KALRN: variants seen among roughly 807,000 people sequenced by gnomAD.
KALRN encodes the protein kalirin.
KALRN carries 70 observed loss-of-function variants against 353.7 expected under a neutral mutation model. That is an observed-to-expected ratio of 0.20 (90% CI 0.16 to 0.24). The LOEUF is 0.24. Ranked by LOEUF, KALRN falls within the 10% of genes least tolerant of loss-of-function variation. The pLI is 1.00. For missense variants in KALRN, 2,791 were observed against 3,756.7 expected, an observed-to-expected ratio of 0.74 and a Z score of 6.72; for synonymous variants, 1,391 against 1,434.8, an observed-to-expected ratio of 0.97 and a Z score of 0.69.
At chr3:124,250,341 G>T (rs1004633494) in intron 3 of KALRN, among the ~76,000 whole-genome samples, 2 of 152,346 alleles carry the variant, frequency 1.3e-5, no homozygotes, top group Non-Finnish European at 1.5e-5. Context: ...GCAGGGAGAG[G>T]TGGGGGTGTG....
intron 34 of KALRN, among the ~76,000 whole-genome samples, chr3:124,629,993 C>T (rs2080578819): frequency 6.6e-6 from 1 of 152,166 alleles, no homozygotes; most frequent in Non-Finnish European, 1.5e-5. Context: ...CATGCTGATG[C>T]TCCTGTGCAA....
At chr3:124,585,675 G>A (rs948236182) in intron 34 of KALRN, among the ~76,000 whole-genome samples, 35 of 152,194 alleles carry the variant, frequency 2.3e-4, no homozygotes. Context: ...TCCCAAATAG[G>A]ATAAGCAGAT....
rs562324948 is a variant in KALRN, at chr3:124,630,829, AAAAAC to A, written c.5183-1572_5183-1568del. Among the ~76,000 whole-genome samples the A allele has an allele frequency of 1.2e-3, 178 of 152,286 alleles. 2 individuals carry two copies. Among genetic ancestry groups the A allele is most frequent in the African/African-American group, 4.1e-3 (169 of 41,542 alleles). On this transcript the variant is annotated intron_variant, in intron 34 of 59. Transcript: ENST00000682506. Reference sequence around the variant, plus strand: ...CTTACAAACAATATGCTGAGATTTAAAAAACAAAACAAAACAAAACAAACTCTTGT... The same window carrying A: ...CTTACAAACAATATGCTGAGATTTAAAAAACAAAACAAAACAAACTCTTGT...
intron 10 of KALRN, 134 bp from the exon 11 acceptor site, chr3:124,384,711 C>T (rs2087934561): frequency 3.7e-6 from 3 of 819,006 alleles, no homozygotes; most frequent in Non-Finnish European, 5.6e-6. Context: ...CTCCGCGCAC[C>T]GCGCCTCAGT....
At chr3:124,200,642 T>G (rs746739417) in intron 1 of KALRN, among the ~76,000 whole-genome samples, 1 of 152,170 alleles carries the variant, frequency 6.6e-6, no homozygotes, top group Non-Finnish European at 1.5e-5. Context: ...CTTAGAGAAT[T>G]GTGGTGAACA....
intron 1 of KALRN, chr3:124,094,075 C>T (rs1177190800): frequency 6.6e-6 from 1 of 152,386 alleles, no homozygotes; most frequent in Non-Finnish European, 1.5e-5. Context: ...CTTTGAGGCT[C>T]ACAAATACTG....
At chr3:124,158,660 GCCAGCCAGGGTACCCT>G (rs1345643378) in intron 1 of KALRN, among the ~76,000 whole-genome samples, 1 of 152,172 alleles carries the variant, frequency 6.6e-6, no homozygotes, top group Admixed American at 6.5e-5. Context: ...AGGGCTGGAG[GCCAGCCAGGGTACCCT>G]CCTCCCCCCA....
At chr3:124,228,285 C>T (rs1435402915) in intron 2 of KALRN, among the ~76,000 whole-genome samples, 1 of 152,210 alleles carries the variant, frequency 6.6e-6, no homozygotes, top group Non-Finnish European at 1.5e-5. Flanking sequence ...AGGGACATTC[C>T]CTGAGCTTCC....
intron 34 of KALRN, among the ~76,000 whole-genome samples, chr3:124,565,035 G>A (rs1038984380): frequency 2.0e-5 from 3 of 152,194 alleles, no homozygotes; most frequent in African/African-American, 4.8e-5. Context: ...GCTTCCTGAT[G>A]GTTAACTGTG....
chr3:124,615,883 A>G (rs191576698), intron 34 of KALRN, among the ~76,000 whole-genome samples: 3 of 152,266 alleles, frequency 2.0e-5, no homozygotes, highest in Admixed American at 1.3e-4. Context: ...ACTGAACTCA[A>G]TCTTGTCTAC....
At chr3:124,100,797 C>T (rs2061799153) in intron 1 of KALRN, among the ~76,000 whole-genome samples, 1 of 152,154 alleles carries the variant, frequency 6.6e-6, no homozygotes, top group African/African-American at 2.4e-5. Flanking sequence ...GCGTAATGTC[C>T]AGTTCCTCTG....
chr3:124,184,693 G>A (rs943701482), intron 1 of KALRN, among the ~76,000 whole-genome samples: 3 of 152,036 alleles, frequency 2.0e-5, no homozygotes, highest in African/African-American at 7.2e-5. Context: ...TTTATATTCC[G>A]GTTCTTTTAT....
intron 37 of KALRN, among the ~76,000 whole-genome samples, chr3:124,639,195 G>A (rs1282925568): frequency 6.6e-6 from 1 of 151,936 alleles, no homozygotes; most frequent in Non-Finnish European, 1.5e-5. Context: ...TCCCTCTTAT[G>A]TTTGCTTATC....
At chr3:124,674,824 G>A (rs1287466716) in intron 49 of KALRN, 13 of 439,410 alleles carry the variant, frequency 3.0e-5, no homozygotes, top group Non-Finnish European at 5.0e-5. Context: ...TGGTGGTGGC[G>A]ATGATTTTTC....
chr3:124,653,858 A>G (rs1051063186), intron 38 of KALRN, among the ~76,000 whole-genome samples: 1 of 152,254 alleles, frequency 6.6e-6, no homozygotes, highest in African/African-American at 2.4e-5. Flanking sequence ...TTAATTGTGC[A>G]CTGCCTTGCA....
At chr3:124,331,633 T>C (rs1474187907) in intron 8 of KALRN, among the ~76,000 whole-genome samples, 2 of 115,426 alleles carry the variant, frequency 1.7e-5, no homozygotes, top group Non-Finnish European at 3.6e-5. Flanking sequence ...CAAAGCTTTC[T>C]GTCTTAGAAC....
chr3:124,190,475 C>T (rs549067353), intron 1 of KALRN, among the ~76,000 whole-genome samples: 4 of 152,310 alleles, frequency 2.6e-5, no homozygotes, highest in Non-Finnish European at 4.4e-5. Flanking sequence ...ACTAGCCAGG[C>T]GTTTCATTTA....
chr3:124,373,782 A>G (rs1044090625), intron 10 of KALRN, among the ~76,000 whole-genome samples: 6 of 152,208 alleles, frequency 3.9e-5, no homozygotes, highest in Non-Finnish European at 8.8e-5. Flanking sequence ...TTAACTAATT[A>G]TATCTGCAAC....
At chr3:124,223,411 A>G (rs1037302307) in intron 1 of KALRN, among the ~76,000 whole-genome samples, 28 of 152,128 alleles carry the variant, frequency 1.8e-4, no homozygotes, top group African/African-American at 6.8e-4. Context: ...TGGACACCAC[A>G]CGGGTGAAGT....
Sources: allele counts gnomAD v4.1 joint callset (sites outside exome capture counted in the v4.1 genomes callset), GRCh38; gene constraint gnomAD v4.1.1; transcripts MANE v1.5; gene names NCBI Gene and HGNC (gene_info 2026-07-23, HGNC 2026-07-21).